SLC12A8: variants seen among roughly 807,000 people sequenced by gnomAD.
The protein encoded by SLC12A8 is cation-chloride cotransporter 9.
A neutral mutation model predicts 75.6 loss-of-function variants in SLC12A8; 69 were observed. That is an observed-to-expected ratio of 0.91 (90% CI 0.75 to 1.11). SLC12A8 has a LOEUF of 1.11. SLC12A8 is among the 50% of genes most tolerant of loss of function. The pLI, the probability that SLC12A8 is intolerant of heterozygous loss-of-function variation, is 0.00. For synonymous variants in SLC12A8, 365 were observed against 372.8 expected (o/e 0.98, Z 0.24); for missense variants, 877 against 896.7 (o/e 0.98, Z 0.28).
Position 125,150,610 on chromosome 3 carries a change from C to G in SLC12A8, c.623-14828G>C, listed in dbSNP as rs191494099. On this transcript the variant is annotated intron_variant, in intron 5 of 13. Transcript: ENST00000469902. ...CGATACAGGAAATCTCCAAACCAAA[C>G]GCTGAGACACACTGTTCTCAGAGAA... 3.0e-4 allele frequency among the ~76,000 whole-genome samples: 45 copies of G among 152,268 alleles called. No homozygotes were observed. The East Asian group carries it at 7.1e-3, about 24-fold the overall frequency.
At chr3:125,142,039 G>A (rs1307522253) in intron 5 of SLC12A8, among the ~76,000 whole-genome samples, 2 of 152,294 alleles carry the variant, frequency 1.3e-5, no homozygotes, top group African/African-American at 2.4e-5. Context: ...CGGCGCGCAC[G>A]CAAGACCTCG....
chr3:125,101,194 T>C (rs1185221497), intron 10 of SLC12A8, among the ~76,000 whole-genome samples: 3 of 152,224 alleles, frequency 2.0e-5, no homozygotes, highest in Non-Finnish European at 2.9e-5. Flanking sequence ...TCTCCTATCA[T>C]GAGCAAGTGT....
At chr3:125,146,961 T>C (rs1445784706) in intron 5 of SLC12A8, among the ~76,000 whole-genome samples, 3 of 152,132 alleles carry the variant, frequency 2.0e-5, no homozygotes, top group Non-Finnish European at 4.4e-5. Context: ...CAGAAATCAC[T>C]GTGTGCTCAG....
chr3:125,200,786 A>G (rs755632619), intron 2 of SLC12A8, among the ~76,000 whole-genome samples: 6 of 152,196 alleles, frequency 3.9e-5, no homozygotes, highest in Non-Finnish European at 7.3e-5. Flanking sequence ...CCTAAAATTA[A>G]AAAGGAAAGT....
intron 10 of SLC12A8, among the ~76,000 whole-genome samples, chr3:125,102,419 C>T (rs374957122): frequency 2.0e-5 from 3 of 152,116 alleles, no homozygotes; most frequent in Non-Finnish European, 4.4e-5. Flanking sequence ...CATCGTACAC[C>T]CTATCTGGGA....
intron 2 of SLC12A8, among the ~76,000 whole-genome samples, chr3:125,200,660 G>A (rs1024771616): frequency 2.6e-5 from 4 of 152,102 alleles, no homozygotes; most frequent in African/African-American, 9.7e-5. Context: ...TTGAATACAT[G>A]GAATACTTAA....
chr3:125,084,081 G>A (rs768564423), intron 13 of SLC12A8, 29 bp from the exon 14 acceptor site: 4 of 1,593,902 alleles, frequency 2.5e-6, no homozygotes, highest in South Asian at 2.2e-5. Flanking sequence ...AGAGGATGGT[G>A]AGAAGGACAG....
intron 2 of SLC12A8, among the ~76,000 whole-genome samples, chr3:125,203,367 C>T (rs1371438756): frequency 6.6e-6 from 1 of 152,068 alleles, no homozygotes; most frequent in Non-Finnish European, 1.5e-5. Context: ...GCCAAAACAG[C>T]ATGATATTGG....
chr3:125,145,575 C>T (rs1050282030), intron 5 of SLC12A8, among the ~76,000 whole-genome samples: 1 of 152,196 alleles, frequency 6.6e-6, no homozygotes, highest in Non-Finnish European at 1.5e-5. Flanking sequence ...TATAATTCCC[C>T]TTACAGTAGC....
chr3:125,200,329 G>T (rs1024717454), intron 2 of SLC12A8, among the ~76,000 whole-genome samples: 2 of 152,086 alleles, frequency 1.3e-5, no homozygotes, highest in African/African-American at 4.8e-5. Context: ...TGCCCTTGTG[G>T]TCCTAGCTAT....
intron 8 of SLC12A8, among the ~76,000 whole-genome samples, chr3:125,115,166 T>C (rs816155): frequency 0.95 from 145,196 of 152,274 alleles, 69,624 homozygotes; most frequent in East Asian, 1. Context: ...GTATACAAGA[T>C]GTTTAAGAAC....
intron 6 of SLC12A8, chr3:125,121,017 C>G (rs972552086): frequency 1.6e-6 from 1 of 634,128 alleles, no homozygotes; most frequent in Non-Finnish European, 2.8e-6. Flanking sequence ...GCCTGCTGAG[C>G]TGGGACAATG....
At chr3:125,139,165 A>G (rs567874355) in intron 5 of SLC12A8, among the ~76,000 whole-genome samples, 83 of 152,330 alleles carry the variant, frequency 5.4e-4, no homozygotes, top group African/African-American at 1.9e-3. Context: ...TCCCAAAATG[A>G]CTTGAGTGGC....
chr3:125,148,416 G>C (rs542117588), intron 5 of SLC12A8, among the ~76,000 whole-genome samples: 1 of 152,218 alleles, frequency 6.6e-6, no homozygotes, highest in African/African-American at 2.4e-5. Flanking sequence ...ATCCAGGCAA[G>C]AGGGACATGT....
chr3:125,132,638 A>T (rs1933389913), intron 6 of SLC12A8, among the ~76,000 whole-genome samples: 2 of 152,310 alleles, frequency 1.3e-5, no homozygotes, highest in Admixed American at 1.3e-4. Flanking sequence ...TTTGGTTCAA[A>T]CTTGTTCGGT....
intron 7 of SLC12A8, chr3:125,119,220 AT>A (rs1932985853): frequency 6.3e-6 from 1 of 157,644 alleles, no homozygotes; most frequent in Non-Finnish European, 1.4e-5. Context: ...TCTTTCTTAT[AT>A]TAAAAAAGAA....
intron 10 of SLC12A8, among the ~76,000 whole-genome samples, chr3:125,093,719 G>A (rs1938641989): frequency 6.6e-6 from 1 of 152,174 alleles, no homozygotes. Context: ...CATGGGGGCA[G>A]GGTCCACATC....
intron 5 of SLC12A8, among the ~76,000 whole-genome samples, chr3:125,150,978 A>G (rs1275732034): frequency 1.3e-5 from 2 of 152,110 alleles, no homozygotes; most frequent in Non-Finnish European, 2.9e-5. Flanking sequence ...TCACACACAC[A>G]CACCAAGTTT....
intron 2 of SLC12A8, among the ~76,000 whole-genome samples, chr3:125,198,037 T>C (rs1401527802): frequency 2.6e-5 from 4 of 152,136 alleles, no homozygotes; most frequent in African/African-American, 9.7e-5. Flanking sequence ...TCACCAATAA[T>C]GGGACAAATG....
Sources: allele counts gnomAD v4.1 joint callset (sites outside exome capture counted in the v4.1 genomes callset), GRCh38; gene constraint gnomAD v4.1.1; transcripts MANE v1.5; gene names NCBI Gene and HGNC (gene_info 2026-07-23, HGNC 2026-07-21).